RAB27B: variants seen among roughly 807,000 people sequenced by gnomAD.
RAB27B encodes the protein ras-related protein Rab-27B.
In RAB27B, 15 loss-of-function variants were observed where a neutral mutation model predicts 24.6. That is an observed-to-expected ratio of 0.61 (90% confidence interval 0.41 to 0.94). The LOEUF is 0.94. Ranked by LOEUF, RAB27B falls within the 40% of genes least tolerant of loss-of-function variation. RAB27B has a pLI of 0.00. For synonymous variants in RAB27B, 105 were observed against 92.5 expected, an observed-to-expected ratio of 1.14 and a Z score of -0.78; for missense variants, 261 against 266.8, an observed-to-expected ratio of 0.98 and a Z score of 0.15.
At chr18:54,725,098 G>C (rs983575749) in intron 2 of RAB27B, among the ~76,000 whole-genome samples, 4 of 151,398 alleles carry the variant, frequency 2.6e-5, no homozygotes, top group Non-Finnish European at 4.4e-5. Flanking sequence ...GTGGTGCAGA[G>C]GGAAGAATAT....
Position 54,884,425 on chromosome 18 carries a change from GA to G in RAB27B, c.335del (p.Asn112ThrfsTer3). On this transcript the variant is annotated frameshift_variant, in exon 4 of 6. Transcript: ENST00000262094. LOFTEE classifies it high-confidence loss of function. ...AGTCAACAGAGCTTCTTAAATGTCAGAAACTGGATGAGTAAGTGGGACTGAG... is the reference window on the plus strand; with the variant it reads ...AGTCAACAGAGCTTCTTAAATGTCAGAACTGGATGAGTAAGTGGGACTGAG... ...LTSQQSFLNV[R>X]NWMSQLQANA... The G allele has an allele frequency of 6.2e-7, 1 of 1,604,614 alleles. No homozygotes were observed. The highest frequency in any genetic ancestry group is 8.5e-7 in the Non-Finnish European group (1 of 1,171,790).
intron 1 of RAB27B, among the ~76,000 whole-genome samples, chr18:54,857,624 G>C (rs1017217354): frequency 1.3e-5 from 2 of 152,194 alleles, no homozygotes; most frequent in African/African-American, 4.8e-5. Flanking sequence ...GTGCATGCAC[G>C]AGCTTAATGA....
chr18:54,851,620 G>A lies in RAB27B; in HGVS notation c.-20+22920G>A, dbSNP rs886986041. ...TAAACTGGGTGTCCTGAATTTTATT[G>A]GCTAAACCTGGCATCAGTAAATTAT... On this transcript the variant is annotated intron_variant, in intron 1 of 5. Transcript: ENST00000262094. Among the ~76,000 whole-genome samples the A allele has an allele frequency of 4.6e-5, 7 of 152,064 alleles. No homozygotes were observed. In the South Asian group the frequency reaches 1.5e-3, roughly 32 times the overall value.
intron 1 of RAB27B, among the ~76,000 whole-genome samples, chr18:54,829,555 TTAATA>T (rs1910595438): frequency 6.6e-6 from 1 of 152,246 alleles, no homozygotes; most frequent in Non-Finnish European, 1.5e-5. Context: ...AAATTATTGT[TTAATA>T]TAATACAGCT....
intron 2 of RAB27B, among the ~76,000 whole-genome samples, chr18:54,793,210 A>G (rs1909309274): frequency 6.6e-6 from 1 of 152,068 alleles, no homozygotes; most frequent in Admixed American, 6.6e-5. Context: ...AAATGAATGG[A>G]TATTTGAATT....
chr18:54,751,705 G>A (rs1907837757), intron 2 of RAB27B, among the ~76,000 whole-genome samples: 1 of 152,156 alleles, frequency 6.6e-6, no homozygotes, highest in African/African-American at 2.4e-5. Flanking sequence ...TGACTAGGCA[G>A]GTAAATCTAC....
rs573821754 is a variant in RAB27B at position 54,774,858 on chromosome 18, T to C, written c.-20+56717T>C. Among the ~76,000 whole-genome samples the C allele has an allele frequency of 4.1e-4, 63 of 152,360 alleles. 1 individual carries two copies. In the South Asian group the frequency reaches 0.013, roughly 31 times the overall value. Reference sequence around the variant, plus strand: ...GAAGTAGCTGATGTTTATTTGTATATTCTCAGCCTCCCCTCACGGGATCAG... The same window carrying C: ...GAAGTAGCTGATGTTTATTTGTATACTCTCAGCCTCCCCTCACGGGATCAG... On this transcript the variant is annotated intron_variant, in intron 2 of 4. Transcript: ENST00000586570.
chr18:54,851,893 A>G (rs1417217968), intron 1 of RAB27B, among the ~76,000 whole-genome samples: 2 of 152,144 alleles, frequency 1.3e-5, no homozygotes, highest in African/African-American at 4.8e-5. Flanking sequence ...ACAAATCTAT[A>G]CACCTCTTTT....
chr18:54,718,854 A>G (rs1315903236), intron 2 of RAB27B, among the ~76,000 whole-genome samples: 1 of 152,210 alleles, frequency 6.6e-6, no homozygotes, highest in Non-Finnish European at 1.5e-5. Flanking sequence ...GTGCTTTTTA[A>G]GAGCCTTGGT....
chr18:54,725,041 A>C (rs959905519), intron 2 of RAB27B, among the ~76,000 whole-genome samples: 1 of 151,502 alleles, frequency 6.6e-6, no homozygotes, highest in Admixed American at 6.6e-5. Context: ...AGTGGACCTC[A>C]TTAGGGATGG....
chr18:54,853,278 C>T (rs1418197430), intron 1 of RAB27B, among the ~76,000 whole-genome samples: 1 of 152,104 alleles, frequency 6.6e-6, no homozygotes, highest in Non-Finnish European at 1.5e-5. Context: ...TTAATTTTGG[C>T]AATCTCAATT....
At chr18:54,834,017 C>A (rs1910796768) in intron 1 of RAB27B, among the ~76,000 whole-genome samples, 2 of 152,160 alleles carry the variant, frequency 1.3e-5, no homozygotes, top group Non-Finnish European at 1.5e-5. Context: ...GGAGGTTGAA[C>A]TAAACAACCC....
At chr18:54,880,755 GAT>G (rs1165372375) in intron 3 of RAB27B, 3 of 152,176 alleles carry the variant, frequency 2.0e-5, no homozygotes, top group Admixed American at 6.5e-5. Flanking sequence ...CCTCGCACAT[GAT>G]ATGTCAGCCT....
chr18:54,875,153 T>C (rs1462447723), intron 1 of RAB27B, among the ~76,000 whole-genome samples: 1 of 152,046 alleles, frequency 6.6e-6, no homozygotes, highest in African/African-American at 2.4e-5. Context: ...CAAAACCCCA[T>C]TTATACAAAA....
intron 2 of RAB27B, among the ~76,000 whole-genome samples, chr18:54,816,444 T>C (rs1474905240): frequency 4.6e-5 from 7 of 152,246 alleles, no homozygotes; most frequent in Non-Finnish European, 8.8e-5. Context: ...CCAAGACGAC[T>C]GAGGGATTGA....
rs1161957988 is a variant in RAB27B at position 54,895,230 on chromosome 18, C to A, written c.*5817C>A. On this transcript the variant is annotated 3_prime_UTR_variant, in exon 6 of 6. Transcript: ENST00000262094. ...ATTATCTTTATTTTTAGGCTAAGCA[C>A]GTTTGATTATTTTGTCTGTCTCCTA... The A allele has an allele frequency of 6.6e-6, 1 of 152,044 alleles. No homozygotes were observed. The highest frequency in any genetic ancestry group is 2.4e-5 in the African/African-American group (1 of 41,410). 9.4% of individuals were successfully genotyped at this position (152,044 alleles called of 1,614,324 possible).
intron 4 of RAB27B, among the ~76,000 whole-genome samples, chr18:54,885,179 A>C (rs917838382): frequency 7.2e-5 from 11 of 152,162 alleles, no homozygotes; most frequent in African/African-American, 2.7e-4. Flanking sequence ...TTTTATTACA[A>C]ATAAGAATTT....
At chr18:54,804,383 C>T (rs1226568911) in intron 2 of RAB27B, among the ~76,000 whole-genome samples, 1 of 152,104 alleles carries the variant, frequency 6.6e-6, no homozygotes, top group African/African-American at 2.4e-5. Context: ...TTTGTGAGAT[C>T]TGATGGGTTT....
At chr18:54,834,973 T>TA (rs1910838993) in intron 1 of RAB27B, among the ~76,000 whole-genome samples, 2 of 152,026 alleles carry the variant, frequency 1.3e-5, no homozygotes, top group South Asian at 4.1e-4. Flanking sequence ...TAATAATTAG[T>TA]AAAAGCAAAA....
Sources: gnomAD v4.1 joint callset for allele counts (sites outside exome capture counted in the v4.1 genomes callset) on GRCh38, gnomAD v4.1.1 for gene constraint, MANE v1.5 for transcripts, NCBI Gene and HGNC (gene_info 2026-07-23, HGNC 2026-07-21) for gene names.